Variants in UBE4B observed in about 807,000 individuals in gnomAD.
The protein encoded by UBE4B is ubiquitination factor E4B, also known as ubiquitin conjugation factor E4 B.
Under a neutral mutation model 148.1 loss-of-function variants are expected in UBE4B, and 27 were observed. That is an observed-to-expected ratio of 0.18 (90% CI 0.13 to 0.25). The LOEUF (loss-of-function observed/expected upper bound fraction) is 0.25. UBE4B is among the 10% of genes least tolerant of loss of function. The probability of loss-of-function intolerance (pLI) is 1.00; values close to 1 mark genes in which losing one functional copy is unlikely to be tolerated. For synonymous variants in UBE4B, 596 were observed against 619.3 expected (o/e 0.96, Z 0.56); for missense variants, 1,170 against 1,662.4 (o/e 0.70, Z 5.15).
At chr1:10,165,372 G>A (rs1377620559) in intron 23 of UBE4B, among the ~76,000 whole-genome samples, 3 of 152,070 alleles carry the variant, frequency 2.0e-5, no homozygotes, top group African/African-American at 4.8e-5. Context: ...CCTCCAGACC[G>A]TTGGCATCTC....
At chr1:10,070,454 A>C (rs529646569) in intron 1 of UBE4B, among the ~76,000 whole-genome samples, 19 of 151,888 alleles carry the variant, frequency 1.3e-4, no homozygotes, top group Middle Eastern at 3.4e-3. Context: ...AAAAAAAAAA[A>C]AAAAAACCAT....
intron 21 of UBE4B, among the ~76,000 whole-genome samples, chr1:10,156,351 T>C (rs1646071860): frequency 6.7e-6 from 1 of 149,670 alleles, no homozygotes; most frequent in Non-Finnish European, 1.5e-5. Context: ...GTGATCCTCC[T>C]ACCTCAGCCT....
chr1:10,101,166 C>T lies in UBE4B; in HGVS notation c.406C>T (p.Arg136Ter). 1 of 1,614,062 alleles carries T rather than the reference C, an allele frequency of 6.2e-7. No individual in the cohort carries two copies. Among genetic ancestry groups the T allele is most frequent in the Non-Finnish European group, 8.5e-7 (1 of 1,180,006 alleles). The change falls in exon 4 of 28, where the codon CGA becomes TGA. Residue 136 changes from arginine to a stop codon, truncating the protein, a stop_gained. Transcript: ENST00000343090. LOFTEE classifies it high-confidence loss of function. Reference protein sequence around the residue: ...IENMEVDENDRREKRSLSDKE... With the variant: ...IENMEVDEND ...AAACATGGAGGTTGATGAAAATGATCGAAGAGAAAAGCGGAGCCTCAGTGA... is the reference window on the plus strand; with the variant it reads ...AAACATGGAGGTTGATGAAAATGATTGAAGAGAAAAGCGGAGCCTCAGTGA...
chr1:10,071,840 T>G (rs1174275137), intron 1 of UBE4B, among the ~76,000 whole-genome samples, 188 bp from the exon 2 acceptor site: 1 of 152,148 alleles, frequency 6.6e-6, no homozygotes, highest in East Asian at 1.9e-4. Flanking sequence ...CAAAATACAG[T>G]TGTTAAAAAC....
rs1297513035 is a variant in UBE4B, at chr1:10,173,365, C to T, written c.3525+2036C>T. 2.0e-5 allele frequency among the ~76,000 whole-genome samples: 3 copies of T among 151,634 alleles called. No individual in the cohort carries two copies. The East Asian group carries it at 5.8e-4, about 29-fold the overall frequency. Reference sequence around the variant, plus strand: ...GGCGTGGTGGCGGGCGCCTGTAGTCCCAGCTACTCGGGAGGCTGAGGCAGG... The same window carrying T: ...GGCGTGGTGGCGGGCGCCTGTAGTCTCAGCTACTCGGGAGGCTGAGGCAGG... On this transcript the variant is annotated intron_variant, in intron 25 of 27. Coordinates refer to ENST00000343090, the MANE Select transcript of UBE4B (RefSeq NM_001105562.3).
chr1:10,061,866 G>A (rs957977987), intron 1 of UBE4B, among the ~76,000 whole-genome samples: 3 of 151,378 alleles, frequency 2.0e-5, no homozygotes, highest in African/African-American at 7.3e-5. Context: ...GTTGCTATAC[G>A]TGTGTAGTGT....
At chr1:10,067,976 C>T (rs931084865) in intron 1 of UBE4B, among the ~76,000 whole-genome samples, 2 of 151,954 alleles carry the variant, frequency 1.3e-5, no homozygotes, top group African/African-American at 4.8e-5. Flanking sequence ...GATCCGCCCA[C>T]CTCAGCCTCC....
chr1:10,080,416 C>CA (rs565960920), intron 2 of UBE4B, among the ~76,000 whole-genome samples: 5,052 of 101,146 alleles, frequency 0.05, 139 homozygotes, highest in South Asian at 0.13. Context: ...GAATCCATCT[C>CA]AAAAAAAAAA....
At chr1:10,117,431 T>G (rs1570922796) in intron 7 of UBE4B, 28 bp from the exon 8 acceptor site, 1 of 1,606,540 alleles carries the variant, frequency 6.2e-7, no homozygotes, top group East Asian at 2.2e-5. Context: ...GAGATAAGAA[T>G]CAGAATTTCT....
intron 23 of UBE4B, among the ~76,000 whole-genome samples, chr1:10,167,474 T>TAATAATAATAATGAC (rs535397393): frequency 6.7e-6 from 1 of 149,680 alleles, no homozygotes; most frequent in African/African-American, 2.5e-5. Flanking sequence ...ATAATAATAA[T>TAATAATAATAATGAC]GACTAAGTAA....
intron 20 of UBE4B, among the ~76,000 whole-genome samples, 186 bp downstream of exon 20, chr1:10,149,468 CA>C (rs1205139905): frequency 3.3e-5 from 5 of 152,146 alleles, no homozygotes; most frequent in Non-Finnish European, 7.3e-5. Flanking sequence ...AATAATATCT[CA>C]AAGACAGAGG....
At chr1:10,173,944 T>C (rs1646376146) in intron 25 of UBE4B, among the ~76,000 whole-genome samples, 1 of 152,204 alleles carries the variant, frequency 6.6e-6, no homozygotes, top group South Asian at 2.1e-4. Flanking sequence ...CCTTAGATTA[T>C]GGTGGTGGCC....
chr1:10,073,615 G>T (rs940009703), intron 2 of UBE4B, among the ~76,000 whole-genome samples: 3 of 152,100 alleles, frequency 2.0e-5, no homozygotes, highest in African/African-American at 4.8e-5. Flanking sequence ...AACTACAAGA[G>T]AGGCTGAGGC....
At chr1:10,107,340 G>C in intron 7 of UBE4B, 1 of 1,289,338 alleles carries the variant, frequency 7.8e-7, no homozygotes, top group Non-Finnish European at 1.0e-6. Context: ...TGGTGGTGGT[G>C]GTGATGATTT....
At chr1:10,107,182 C>A in intron 7 of UBE4B, 2 of 1,287,484 alleles carry the variant, frequency 1.6e-6, no homozygotes, top group South Asian at 2.5e-5. Context: ...CTTGTTTTTT[C>A]TTTGTTCTCT....
At position 10,180,165 on chromosome 1, in the gene UBE4B, C is replaced by G. The variant is rs76752810; in HGVS notation, c.*209C>G. On this transcript the variant is annotated 3_prime_UTR_variant, in exon 28 of 28. Transcript: ENST00000343090. ...CCTGTACATATATTTAAGTGACAAA[C>G]ACGGTCAAAAGCTTAAGGGACAGGT... 2.4e-3 allele frequency: 1,433 copies of G among 597,618 alleles called. 19 individuals are homozygous for G. The African/African-American group carries it at 0.024, about 10-fold the overall frequency. 37.0% of individuals were successfully genotyped at this position (597,618 alleles called of 1,614,324 possible).
At position 10,117,465 on chromosome 1, in the gene UBE4B, A is replaced by G. The variant is rs772899779; in HGVS notation, c.1203A>G (p.Gly401=). 11 of 1,607,288 alleles carry G rather than the reference A, an allele frequency of 6.8e-6. No homozygotes were observed. The highest frequency in any genetic ancestry group is 8.5e-6 in the Non-Finnish European group (10 of 1,178,384). ...CTTCTTGTCTTCTCTGAAGTTTGGG[A>G]GCCTCTGGTGGAGCAAGTAATTGGG... The part of the protein sequence containing the change: ...PSSLRISPSL[G]ASGGASNWDS... The change falls in exon 8 of 28, where the codon GGA becomes GGG. Residue 401 remains glycine (G), a synonymous_variant. Coordinates refer to ENST00000343090, the MANE Select transcript of UBE4B (RefSeq NM_001105562.3).
intron 1 of UBE4B, among the ~76,000 whole-genome samples, chr1:10,036,522 C>T (rs944452173): frequency 4.0e-5 from 6 of 149,578 alleles, no homozygotes; most frequent in Non-Finnish European, 8.9e-5. Flanking sequence ...TTTGTAGAGA[C>T]GGGGGTCTTG....
intron 15 of UBE4B, among the ~76,000 whole-genome samples, chr1:10,133,118 A>G (rs1477190632): frequency 1.3e-5 from 2 of 152,140 alleles, no homozygotes; most frequent in African/African-American, 2.4e-5. Context: ...GGCAGCTGCA[A>G]GGGCGTGAGT....
Sources: gnomAD v4.1 joint callset for allele counts (sites outside exome capture counted in the v4.1 genomes callset) on GRCh38, gnomAD v4.1.1 for gene constraint, MANE v1.5 for transcripts, NCBI Gene and HGNC (gene_info 2026-07-23, HGNC 2026-07-21) for gene names.